Variants in VEPH1 observed in about 807,000 individuals in gnomAD.
VEPH1 encodes ventricular zone-expressed PH domain-containing protein homolog 1.
Under a neutral mutation model 85.2 loss-of-function variants are expected in VEPH1, and 80 were observed. The ratio of observed to expected loss-of-function variants is 0.94; its 90% CI spans 0.78 to 1.13. The LOEUF (loss-of-function observed/expected upper bound fraction) is 1.13, where lower values mean the gene tolerates loss of function less well. VEPH1 is among the 50% of genes most tolerant of loss of function. The probability of loss-of-function intolerance (pLI) is 0.00; values close to 1 mark genes in which losing one functional copy is unlikely to be tolerated. For synonymous variants in VEPH1, 297 were observed against 348.0 expected, an observed-to-expected ratio of 0.85 and a Z score of 1.63; for missense variants, 955 against 980.5, an observed-to-expected ratio of 0.97 and a Z score of 0.35.
rs769519172 is a variant in VEPH1 at position 157,317,171 on chromosome 3, A to G, written c.1766T>C (p.Phe589Ser). The change falls in exon 10 of 14, where the codon TTC becomes TCC. Residue 589 changes from phenylalanine to serine, a missense_variant. By Grantham distance (155) the Phe-to-Ser change is radical. Coordinates refer to ENST00000362010, the MANE Select transcript of VEPH1 (RefSeq NM_001167912.2). ...ATGACCCTTCAGGGAGCAGGTGAAGAACAACTTTGCTACACAACTTCTCAC... is the reference window on the plus strand; with the variant it reads ...ATGACCCTTCAGGGAGCAGGTGAAGGACAACTTTGCTACACAACTTCTCAC... ...DTVRSCVAKL[F>S]FTCSLKGHYC... The G allele has an allele frequency of 3.3e-5, 53 of 1,612,160 alleles. No individual in the cohort carries two copies. The East Asian group carries it at 1.0e-3, about 31-fold the overall frequency.
chr3:157,350,267 A>T (rs1248048676), intron 9 of VEPH1, among the ~76,000 whole-genome samples: 2 of 152,206 alleles, frequency 1.3e-5, no homozygotes, highest in Admixed American at 6.5e-5. Flanking sequence ...CTCATTGGAA[A>T]AAGGATAGTC....
At chr3:157,491,618 T>C (rs1739217175) in intron 2 of VEPH1, among the ~76,000 whole-genome samples, 2 of 152,002 alleles carry the variant, frequency 1.3e-5, no homozygotes, top group Admixed American at 6.6e-5. Context: ...GTGAGTGGCT[T>C]TGGGGGAAGG....
intron 7 of VEPH1, among the ~76,000 whole-genome samples, chr3:157,376,529 C>A (rs979961712): frequency 6.6e-6 from 1 of 152,220 alleles, no homozygotes; most frequent in African/African-American, 2.4e-5. Flanking sequence ...CCCTTGTACC[C>A]TTTTGCTTCT....
chr3:157,413,993 T>C lies in VEPH1; in HGVS notation c.794A>G (p.Glu265Gly). The change falls in exon 6 of 14, where the codon GAG (glutamate) becomes GGG (glycine). Residue 265 changes from glutamate to glycine, a missense_variant. By Grantham distance (98) the Glu-to-Gly change is moderately conservative. Transcript: ENST00000362010. ...AAGAAAACTGTTCAAAGCCACTGGC[T>C]CATAGACTGCTATCTCTATGAGGAT... ...LNILIEIAVY[E>G]PVALNSFLPM... is the part of the protein sequence containing the mutation. The C allele has an allele frequency of 2.5e-6, 4 of 1,613,612 alleles. No individual in the cohort carries two copies. Among genetic ancestry groups the C allele is most frequent in the Non-Finnish European group, 3.4e-6 (4 of 1,179,726 alleles).
chr3:157,415,675 C>G (rs1244489498), intron 5 of VEPH1, among the ~76,000 whole-genome samples: 3 of 152,166 alleles, frequency 2.0e-5, no homozygotes, highest in Admixed American at 6.5e-5. Context: ...CATTCAGTCT[C>G]TTGCCCACTT....
At chr3:157,299,577 A>AAAG (rs1553760174) in intron 11 of VEPH1, among the ~76,000 whole-genome samples, 18 of 142,708 alleles carry the variant, frequency 1.3e-4, no homozygotes, top group East Asian at 9.9e-4. Flanking sequence ...AAAAAAAAAA[A>AAAG]AAAGAAAGAA....
chr3:157,315,295 A>C (rs567419523), intron 10 of VEPH1, among the ~76,000 whole-genome samples: 7 of 152,234 alleles, frequency 4.6e-5, no homozygotes, highest in African/African-American at 1.7e-4. Context: ...TGCTCAAGTT[A>C]GTGATCCACA....
chr3:157,421,888 G>A (rs1407909392), intron 5 of VEPH1, among the ~76,000 whole-genome samples: 1 of 152,090 alleles, frequency 6.6e-6, no homozygotes, highest in South Asian at 2.1e-4. Flanking sequence ...ATCACTCTAG[G>A]TGCTCCCTAA....
intron 6 of VEPH1, among the ~76,000 whole-genome samples, chr3:157,382,289 T>A (rs370193177): frequency 4.6e-5 from 7 of 152,172 alleles, no homozygotes; most frequent in Admixed American, 6.5e-5. Flanking sequence ...TTAAGGACAA[T>A]ATGAATAATG....
chr3:157,261,359 A>C lies in VEPH1; in HGVS notation c.2277T>G (p.Pro759=). 6.2e-7 allele frequency: 1 copy of C among 1,613,398 alleles called. No individual in the cohort carries two copies. ...TGCTGAGTTCTATTGGGCAGTCGTC[A>C]GGGTCATCTTTCTGAAAGGCATGGG... The part of the protein sequence containing the change: ...LFQKGKSKDD[P]DDCPIELSKV... Residue 759 remains proline, a synonymous_variant, in exon 14 of 14, where the codon CCT becomes CCG. Transcript: ENST00000362010.
intron 9 of VEPH1, among the ~76,000 whole-genome samples, chr3:157,356,158 C>T (rs1376530963): frequency 6.6e-6 from 1 of 152,072 alleles, no homozygotes; most frequent in Non-Finnish European, 1.5e-5. Flanking sequence ...CTCGGCTTTC[C>T]AGTGTTGGGA....
intron 2 of VEPH1, among the ~76,000 whole-genome samples, chr3:157,474,879 T>C (rs919488494): frequency 6.6e-6 from 1 of 152,226 alleles, no homozygotes; most frequent in African/African-American, 2.4e-5. Context: ...GGTTTTGTGG[T>C]AAACATCAAA....
intron 7 of VEPH1, among the ~76,000 whole-genome samples, chr3:157,379,831 A>C (rs553758910): frequency 1.3e-5 from 2 of 152,310 alleles, no homozygotes; most frequent in African/African-American, 4.8e-5. Flanking sequence ...TCATTTAGTC[A>C]TTGTGTAACA....
At position 157,428,426 on chromosome 3, in the gene VEPH1, T is replaced by C. The variant is rs771985108; in HGVS notation, c.592A>G (p.Arg198Gly). 134 of 1,614,048 alleles carry C rather than the reference T, an allele frequency of 8.3e-5. No homozygotes were observed. In the Admixed American group the frequency reaches 2.0e-3, roughly 24 times the overall value. Reference sequence around the variant, plus strand: ...AAGGCCAGGAGTTCTGTCAGGTGTCTATTAATTGGCTGAGGCTGCTTTTCA... The same window carrying C: ...AAGGCCAGGAGTTCTGTCAGGTGTCCATTAATTGGCTGAGGCTGCTTTTCA... ...VYEKQPQPIN[R>G]HLTELLALMS... The change falls in exon 5 of 14, where the codon AGA becomes GGA. Residue 198 changes from arginine (R) to glycine (G), a missense_variant. Coordinates refer to ENST00000362010, the MANE Select transcript of VEPH1 (RefSeq NM_001167912.2).
intron 9 of VEPH1, among the ~76,000 whole-genome samples, chr3:157,358,048 C>T (rs1480774218): frequency 6.6e-6 from 1 of 152,142 alleles, no homozygotes; most frequent in Non-Finnish European, 1.5e-5. Flanking sequence ...CTGATGTCAA[C>T]TCATTAGAGC....
chr3:157,285,975 A>G (rs183687715), intron 12 of VEPH1, among the ~76,000 whole-genome samples: 2 of 152,330 alleles, frequency 1.3e-5, no homozygotes, highest in South Asian at 2.1e-4. Flanking sequence ...GGTGTCTGAT[A>G]TGTTTAGCAC....
At position 157,495,082 on chromosome 3, in the gene VEPH1, G is replaced by C. The variant is rs1280047935; in HGVS notation, c.138+130C>G. On this transcript the variant is annotated intron_variant, in intron 2 of 13. Coordinates refer to ENST00000362010, the MANE Select transcript of VEPH1 (RefSeq NM_001167912.2). ...TAGATGCCAACAAAACCACAGAGCAGATTAAGAGAGACCAATATTAGTGGT... is the reference window on the plus strand; with the variant it reads ...TAGATGCCAACAAAACCACAGAGCACATTAAGAGAGACCAATATTAGTGGT... 4.2e-6 allele frequency: 4 copies of C among 958,318 alleles called. No homozygotes were observed. The African/African-American group carries it at 6.6e-5, about 16-fold the overall frequency. 59.4% of individuals were successfully genotyped at this position (958,318 alleles called of 1,614,324 possible).
At chr3:157,328,378 T>C (rs1722156368) in intron 9 of VEPH1, among the ~76,000 whole-genome samples, 1 of 152,208 alleles carries the variant, frequency 6.6e-6, no homozygotes, top group South Asian at 2.1e-4. Context: ...TGAATGTTGC[T>C]GTAATGCTAT....
chr3:157,387,109 A>C (rs73156778), intron 6 of VEPH1, among the ~76,000 whole-genome samples: 12,886 of 152,226 alleles, frequency 0.085, 785 homozygotes, highest in African/African-American at 0.17. Flanking sequence ...ATGTGGCTGG[A>C]TTTGGCCCAC....
Sources: allele counts gnomAD v4.1 joint callset (sites outside exome capture counted in the v4.1 genomes callset), GRCh38; gene constraint gnomAD v4.1.1; transcripts MANE v1.5; gene names NCBI Gene and HGNC (gene_info 2026-07-23, HGNC 2026-07-21).